Variants in PDK1 observed in about 807,000 individuals in gnomAD.
PDK1 encodes [Pyruvate dehydrogenase (acetyl-transferring)] kinase isozyme 1, mitochondrial.
A neutral mutation model predicts 54.2 loss-of-function variants in PDK1; 39 were observed. The ratio of observed to expected loss-of-function variants is 0.72; its 90% CI spans 0.56 to 0.94. The LOEUF (loss-of-function observed/expected upper bound fraction) is 0.94. PDK1 is among the 40% of genes least tolerant of loss of function. The pLI is 0.00. For missense variants in PDK1, 552 were observed against 566.0 expected (o/e 0.98, Z 0.25); for synonymous variants, 221 against 207.1 (o/e 1.07, Z -0.58).
At position 172,604,772 on chromosome 2, in the gene PDK1, C is replaced by A. The variant is rs1278511704; in HGVS notation, c.*8803C>A. ...AGCAGTAAAATTTCACTGGCCCAGT[C>A]CAGGGCTGCTTGAGTGTTACTGTTT... On this transcript the variant is annotated 3_prime_UTR_variant, in exon 11 of 11. Transcript: ENST00000282077. 1 of 152,198 alleles carries A rather than the reference C, an allele frequency of 6.6e-6. No individual in the cohort carries two copies. Among genetic ancestry groups the A allele is most frequent in the Non-Finnish European group, 1.5e-5 (1 of 68,052 alleles). 9.4% of individuals were successfully genotyped at this position (152,198 alleles called of 1,614,324 possible).
At position 172,601,894 on chromosome 2, in the gene PDK1, A is replaced by G. The variant is rs1032375618; in HGVS notation, c.*5925A>G. On this transcript the variant is annotated 3_prime_UTR_variant, in exon 11 of 11. Coordinates refer to ENST00000282077, the MANE Select transcript of PDK1 (RefSeq NM_002610.5). Reference sequence around the variant, plus strand: ...AATAGAGATTTAAAATAATCATAAGAATACCATTAACTTTATGATAAAAAT... The same window carrying G: ...AATAGAGATTTAAAATAATCATAAGGATACCATTAACTTTATGATAAAAAT... 1.3e-5 allele frequency: 2 copies of G among 152,212 alleles called. No homozygotes were observed. The highest frequency in any genetic ancestry group is 2.4e-5 in the African/African-American group (1 of 41,446). 9.4% of individuals were successfully genotyped at this position (152,212 alleles called of 1,614,324 possible).
intron 7 of PDK1, among the ~76,000 whole-genome samples, chr2:172,569,467 G>A (rs1689132906): frequency 6.6e-6 from 1 of 152,094 alleles, no homozygotes; most frequent in Admixed American, 6.5e-5. Context: ...GAGGAGTGAG[G>A]GGCACAGGTC....
intron 2 of PDK1, among the ~76,000 whole-genome samples, chr2:172,561,184 G>A (rs1688636476): frequency 6.6e-6 from 1 of 152,172 alleles, no homozygotes; most frequent in Non-Finnish European, 1.5e-5. Flanking sequence ...TTCTTCATTA[G>A]AAGTAGAATA....
At chr2:172,642,360 G>C in the PDK1 span, among the ~76,000 whole-genome samples, 1 of 152,110 alleles carries the variant, frequency 6.6e-6, no homozygotes, top group Non-Finnish European at 1.5e-5. Flanking sequence ...TTAGGAAGGT[G>C]GTGGGGGCAC....
intron 6 of PDK1, 135 bp from the exon 7 acceptor site, chr2:172,568,606 T>G: frequency 3.2e-6 from 2 of 630,372 alleles, no homozygotes. Flanking sequence ...ATTGAAGAAA[T>G]GGTGTGGCAG....
chr2:172,648,717 A>G, the PDK1 span, among the ~76,000 whole-genome samples: 7 of 152,330 alleles, frequency 4.6e-5, no homozygotes, highest in Admixed American at 3.9e-4. Flanking sequence ...TCCCATGCCC[A>G]TGGAGCCTCT....
chr2:172,672,929 G>T, the PDK1 span, among the ~76,000 whole-genome samples: 1 of 152,326 alleles, frequency 6.6e-6, no homozygotes, highest in African/African-American at 2.4e-5. Context: ...GTTACCAGCA[G>T]CAAATCCATA....
the PDK1 span, among the ~76,000 whole-genome samples, chr2:172,660,534 G>C: frequency 6.6e-6 from 1 of 151,960 alleles, no homozygotes; most frequent in Non-Finnish European, 1.5e-5. Flanking sequence ...TAAGATTACA[G>C]GTGTGAGCCA....
At chr2:172,639,213 G>A in the PDK1 span, among the ~76,000 whole-genome samples, 1 of 152,114 alleles carries the variant, frequency 6.6e-6, no homozygotes, top group Non-Finnish European at 1.5e-5. Flanking sequence ...AATTTTTCCT[G>A]CTTTTGGAGC....
At position 172,601,539 on chromosome 2, in the gene PDK1, C is replaced by T. The variant is rs1691116099; in HGVS notation, c.*5570C>T. ...TTTGGTAGTTCCTCCTGCATTCATT[C>T]TTCCTGCTGCCCTGTGAAGAGGTGC... On this transcript the variant is annotated 3_prime_UTR_variant, in exon 11 of 11. Coordinates refer to ENST00000282077, the MANE Select transcript of PDK1 (RefSeq NM_002610.5). 1 of 152,224 alleles carries T rather than the reference C, an allele frequency of 6.6e-6. No homozygotes were observed. Among genetic ancestry groups the T allele is most frequent in the Non-Finnish European group, 1.5e-5 (1 of 68,062 alleles). 9.4% of individuals were successfully genotyped at this position (152,224 alleles called of 1,614,324 possible).
chr2:172,679,353 A>T, the PDK1 span, among the ~76,000 whole-genome samples: 1 of 152,050 alleles, frequency 6.6e-6, no homozygotes, highest in Non-Finnish European at 1.5e-5. Context: ...AAGCTGTGGC[A>T]GGAGGATCAC....
chr2:172,583,281 G>GTTTTTTTTTTTTTTTTTTT lies in PDK1; in HGVS notation c.946-2984_946-2966dup, dbSNP rs1175087926. 5.1e-4 allele frequency among the ~76,000 whole-genome samples: 39 copies of GTTTTTTTTTTTTTTTTTTT among 77,074 alleles called. 3 individuals are homozygous for GTTTTTTTTTTTTTTTTTTT. The highest frequency in any genetic ancestry group is 1.0e-3 in the African/African-American group (19 of 18,480). 50.6% of individuals were successfully genotyped at this position (77,074 alleles called of 152,430 possible). On this transcript the variant is annotated intron_variant, in intron 8 of 10. Coordinates refer to ENST00000282077, the MANE Select transcript of PDK1 (RefSeq NM_002610.5). ...CATAATGCTGCATAAAAGTTTTCTG[G>GTTTTTTTTTTTTTTTTTTT]TTTTTTTTTTTTTTTTTTTTTTTTT... is the stretch of plus-strand genomic sequence containing the variant.
intron 8 of PDK1, among the ~76,000 whole-genome samples, chr2:172,573,955 A>AT (rs965358127): frequency 4.0e-5 from 6 of 151,180 alleles, no homozygotes; most frequent in East Asian, 1.9e-4. Flanking sequence ...AAAATTTTCA[A>AT]TTTTTTTTTC....
In PDK1 at chr2:172,600,078, CTTATAAG is replaced by C. The variant is rs1691061702; in HGVS notation, c.*4113_*4119del. ...GTTTTGATTAAAATGTTGCCATCTA[CTTATAAG>C]TTAAAAATGCTGAGAAGGTTTTTTT... On this transcript the variant is annotated 3_prime_UTR_variant, in exon 11 of 11. Transcript: ENST00000282077. 6.6e-6 allele frequency: 1 copy of C among 152,130 alleles called. No homozygotes were observed. Among genetic ancestry groups the C allele is most frequent in the African/African-American group, 2.4e-5 (1 of 41,422 alleles). 9.4% of individuals were successfully genotyped at this position (152,130 alleles called of 1,614,324 possible). A position where few individuals can be genotyped will look rare whatever the true frequency, so the allele number is the denominator to read the frequency against.
the PDK1 span, among the ~76,000 whole-genome samples, chr2:172,714,869 G>A: frequency 0.96 from 145,472 of 152,272 alleles, 69,872 homozygotes; most frequent in East Asian, 1. Context: ...CAGCTACTAT[G>A]CCTCTAAATA....
the PDK1 span, among the ~76,000 whole-genome samples, chr2:172,722,981 G>A: frequency 6.6e-6 from 1 of 151,852 alleles, no homozygotes; most frequent in Non-Finnish European, 1.5e-5. Flanking sequence ...ATTTTTGAAG[G>A]CACACATACT....
At chr2:172,582,484 G>A (rs1689966193) in intron 8 of PDK1, among the ~76,000 whole-genome samples, 1 of 152,160 alleles carries the variant, frequency 6.6e-6, no homozygotes, top group South Asian at 2.1e-4. Context: ...GACAAGTGGT[G>A]CTTTTGTGCA....
chr2:172,563,987 G>A (rs1399794249), intron 3 of PDK1: 3 of 470,858 alleles, frequency 6.4e-6, no homozygotes, highest in African/African-American at 6.0e-5. Flanking sequence ...CTCATAGGAT[G>A]AGTGAAATGA....
the PDK1 span, among the ~76,000 whole-genome samples, chr2:172,718,678 G>A: frequency 3.3e-5 from 5 of 152,132 alleles, no homozygotes; most frequent in African/African-American, 1.2e-4. Flanking sequence ...AGGTCTCATG[G>A]GGAAGGCCCT....
Sources: allele counts gnomAD v4.1 joint callset (sites outside exome capture counted in the v4.1 genomes callset), GRCh38; gene constraint gnomAD v4.1.1; transcripts MANE v1.5; gene names NCBI Gene and HGNC (gene_info 2026-07-23, HGNC 2026-07-21).